Variants in LYN observed in about 807,000 individuals in gnomAD.
The protein encoded by LYN is LYN proto-oncogene, Src family tyrosine kinase.
A neutral mutation model predicts 65.0 loss-of-function variants in LYN; 12 were observed. That is an observed-to-expected ratio of 0.18 (90% confidence interval 0.12 to 0.30). LYN has a LOEUF of 0.30. LYN is among the 10% of genes least tolerant of loss of function. The pLI is 1.00. For synonymous variants in LYN, 222 were observed against 221.2 expected (o/e 1.00, Z -0.03); for missense variants, 380 against 623.2 (o/e 0.61, Z 4.16).
intron 1 of LYN, among the ~76,000 whole-genome samples, chr8:55,902,426 C>G (rs548515906): frequency 2.0e-4 from 30 of 150,286 alleles, no homozygotes; most frequent in African/African-American, 7.3e-4. Context: ...CTCCCAGGTT[C>G]AAGCAATTCT....
chr8:55,939,906 T>A (rs2130469999), intron 1 of LYN, among the ~76,000 whole-genome samples: 1 of 152,350 alleles, frequency 6.6e-6, no homozygotes, highest in South Asian at 2.1e-4. Context: ...ATCAAAGAAG[T>A]ACTTGCTTCC....
chr8:56,007,913 G>A (rs970536493), intron 12 of LYN, among the ~76,000 whole-genome samples: 3 of 152,090 alleles, frequency 2.0e-5, no homozygotes, highest in African/African-American at 7.2e-5. Flanking sequence ...CAGGTCAGGA[G>A]TTTGAGACCA....
At chr8:55,909,238 C>T (rs1447704378) in intron 1 of LYN, among the ~76,000 whole-genome samples, 279 of 152,002 alleles carry the variant, frequency 1.8e-3, no homozygotes, top group African/African-American at 6.4e-3. Flanking sequence ...GGCCAGGGTG[C>T]GACTGCATTT....
rs544301081 is a variant in LYN, at chr8:55,999,522, G to T, written c.1309G>T (p.Val437Phe). 4 of 1,613,592 alleles carry T rather than the reference G, an allele frequency of 2.5e-6. 1 individual carries two copies. In the Admixed American group the frequency reaches 6.7e-5, roughly 27 times the overall value. Reference protein sequence around the residue: ...WSFGILLYEIVTYGKIPYPGR... With the variant: ...WSFGILLYEIFTYGKIPYPGR... ...CTTTGGAATCCTCCTATACGAAATTGTCACCTATGGGAAAATTCCCTACCC... is the reference window on the plus strand; with the variant it reads ...CTTTGGAATCCTCCTATACGAAATTTTCACCTATGGGAAAATTCCCTACCC... The change falls in exon 12 of 13, where the codon GTC becomes TTC. Residue 437 changes from valine to phenylalanine, a missense_variant. Physicochemically the swap from Val to Phe is conservative, Grantham distance 50. Around this residue, in one of 2 missense-constraint regions of LYN, gnomAD observed 223 missense variants for 430.0 expected, o/e 0.52. Coordinates refer to ENST00000519728, the MANE Select transcript of LYN (RefSeq NM_002350.4).
chr8:55,887,616 T>A (rs182138983), intron 1 of LYN, among the ~76,000 whole-genome samples: 2,626 of 51,516 alleles, frequency 0.051, 83 homozygotes, highest in African/African-American at 0.12. Flanking sequence ...ATATATATAT[T>A]TTTTTTTTCC....
At chr8:55,979,167 C>G (rs1162771100) in intron 10 of LYN, among the ~76,000 whole-genome samples, 1 of 151,340 alleles carries the variant, frequency 6.6e-6, no homozygotes, top group Non-Finnish European at 1.5e-5. Context: ...CTCAGCCTCC[C>G]GAGTAGCTGG....
At chr8:55,893,363 A>T (rs1805007479) in intron 1 of LYN, among the ~76,000 whole-genome samples, 2 of 152,258 alleles carry the variant, frequency 1.3e-5, no homozygotes, top group South Asian at 4.1e-4. Context: ...GTAATCAAAC[A>T]TCCTGTTATA....
At chr8:55,884,722 G>T (rs1322385000) in intron 1 of LYN, among the ~76,000 whole-genome samples, 1 of 152,148 alleles carries the variant, frequency 6.6e-6, no homozygotes, top group Non-Finnish European at 1.5e-5. Context: ...AAAATGCTGG[G>T]ATTACAGGTG....
Position 55,966,824 on chromosome 8 carries a change from C to G in LYN, c.900C>G (p.Asp300Glu), listed in dbSNP as rs531258350. ...ACCTCATGAAGACCCTGCAGCATGA[C>G]AAGCTCGTGAGGCTCTACGCTGTGG... The part of the protein sequence containing the change: ...EANLMKTLQH[D>E]KLVRLYAVVT... The change falls in exon 9 of 13, where the codon GAC becomes GAG. Residue 300 changes from aspartate to glutamate, a missense_variant. Asp to Glu is a conservative substitution (Grantham distance 45). Coordinates refer to ENST00000519728, the MANE Select transcript of LYN (RefSeq NM_002350.4). 1 of 1,614,138 alleles carries G rather than the reference C, an allele frequency of 6.2e-7. No homozygotes were observed. Among genetic ancestry groups the G allele is most frequent in the South Asian group, 1.1e-5 (1 of 91,088 alleles).
At position 55,907,130 on chromosome 8, in the gene LYN, C is replaced by G. The variant is rs555058129; in HGVS notation, c.-6+27027C>G. On this transcript the variant is annotated intron_variant, in intron 1 of 12. Transcript: ENST00000519728. ...ACATAGGTCCACAAAAAGACATGTC[C>G]AGTTCTATATATGGCAGCTTTATTC... 7.0e-3 allele frequency among the ~76,000 whole-genome samples: 1,057 copies of G among 151,826 alleles called. 12 individuals carry two copies. Among genetic ancestry groups the G allele is most frequent in the African/African-American group, 0.025 (1,015 of 41,374 alleles).
At position 55,997,735 on chromosome 8, in the gene LYN, G is replaced by A. The variant is rs574246398; in HGVS notation, c.1051-611G>A. Among the ~76,000 whole-genome samples the A allele has an allele frequency of 5.3e-4, 81 of 152,296 alleles. 1 individual carries two copies. The highest frequency in any genetic ancestry group is 1.8e-3 in the African/African-American group (76 of 41,562). ...GAGAAACTGGCATAATAACATCTAT[G>A]TATCTACATGGATGAATTTAGCAGG... On this transcript the variant is annotated intron_variant, in intron 10 of 12. Coordinates refer to ENST00000519728, the MANE Select transcript of LYN (RefSeq NM_002350.4).
intron 2 of LYN, among the ~76,000 whole-genome samples, chr8:55,942,843 A>C (rs1178885213): frequency 6.6e-6 from 1 of 151,908 alleles, no homozygotes; most frequent in Non-Finnish European, 1.5e-5. Context: ...AAGCAAAAGG[A>C]AATGTGGGAT....
At chr8:55,942,784 CA>C (rs397891417) in intron 2 of LYN, among the ~76,000 whole-genome samples, 23,278 of 83,840 alleles carry the variant, frequency 0.28, 1,746 homozygotes, top group Middle Eastern at 0.41. Context: ...GACTCTGTCT[CA>C]AAAAAAAAAA....
intron 12 of LYN, 142 bp from the exon 13 acceptor site, chr8:56,009,766 T>C: frequency 3.0e-6 from 2 of 672,394 alleles, no homozygotes; most frequent in East Asian, 5.5e-5. Flanking sequence ...AGGATGCTGT[T>C]CAACCCCTAA....
In LYN at chr8:56,010,761, C is replaced by G. The variant is rs1210932064; in HGVS notation, c.*651C>G. The G allele has an allele frequency of 1.7e-5, 4 of 230,526 alleles. No homozygotes were observed. Among genetic ancestry groups the G allele is most frequent in the Non-Finnish European group, 3.4e-5 (4 of 116,498 alleles). The allele number at this position is 230,526 out of a possible 1,614,324, so 14.3% of individuals were successfully genotyped here. On this transcript the variant is annotated 3_prime_UTR_variant, in exon 13 of 13. Coordinates refer to ENST00000519728, the MANE Select transcript of LYN (RefSeq NM_002350.4). The stretch of plus-strand genomic sequence containing the variant: ...TGCCATAGGAGTGGCGTGCACATCT[C>G]TCTCTCTTCCAGCAGGAGGAGCCCG...
intron 8 of LYN, chr8:55,955,098 A>C (rs915826559): frequency 1.3e-5 from 2 of 152,028 alleles, no homozygotes; most frequent in African/African-American, 4.8e-5. Flanking sequence ...GCTTTTAAAC[A>C]CTCTCCAGCC....
intron 10 of LYN, among the ~76,000 whole-genome samples, chr8:55,985,160 C>T (rs751958379): frequency 2.4e-4 from 36 of 152,114 alleles, no homozygotes; most frequent in Non-Finnish European, 4.1e-4. Flanking sequence ...AGCTGCACTG[C>T]TGGGGAGGAA....
intron 1 of LYN, chr8:55,902,989 C>G (rs541381826): frequency 4.6e-5 from 14 of 305,784 alleles, no homozygotes; most frequent in South Asian, 4.0e-4. Flanking sequence ...GCTGGGACTA[C>G]AGGTGTGTGC....
intron 10 of LYN, among the ~76,000 whole-genome samples, chr8:55,997,031 C>T (rs1008490180): frequency 5.9e-5 from 9 of 151,844 alleles, no homozygotes; most frequent in Non-Finnish European, 8.8e-5. Context: ...CATGGTGGTG[C>T]GTGCCTGTAA....
Sources: gnomAD v4.1 joint callset for allele counts (sites outside exome capture counted in the v4.1 genomes callset) on GRCh38, gnomAD v4.1.1 for gene constraint, gnomAD v4.1.1 regional missense constraint, MANE v1.5 for transcripts, NCBI Gene and HGNC (gene_info 2026-07-23, HGNC 2026-07-21) for gene names.